MDGA2: variants seen among roughly 807,000 people sequenced by gnomAD.
MDGA2 encodes MAM domain-containing glycosylphosphatidylinositol anchor protein 2.
A neutral mutation model predicts 117.8 loss-of-function variants in MDGA2; 40 were observed. The ratio of observed to expected loss-of-function variants is 0.34; its 90% CI spans 0.26 to 0.44. The LOEUF is 0.44. MDGA2 is among the 20% of genes least tolerant of loss of function. MDGA2 has a pLI of 1.00. For missense variants in MDGA2, 1,123 were observed against 1,250.6 expected (o/e 0.90, Z 1.54); for synonymous variants, 452 against 439.0 (o/e 1.03, Z -0.37).
At chr14:47,595,062 A>C (rs1896510104) in intron 1 of MDGA2, among the ~76,000 whole-genome samples, 1 of 152,098 alleles carries the variant, frequency 6.6e-6, no homozygotes, top group Non-Finnish European at 1.5e-5. Context: ...CCAGACTGAT[A>C]TACACGTGCT....
At position 46,904,416 on chromosome 14, in the gene MDGA2, G is replaced by A. The variant is rs185378829; in HGVS notation, c.2238+15596C>T. 6.2e-4 allele frequency among the ~76,000 whole-genome samples: 94 copies of A among 150,714 alleles called. 1 individual carries two copies. The highest frequency in any genetic ancestry group is 7.0e-3 in the Middle Eastern group (2 of 284). On this transcript the variant is annotated intron_variant, in intron 10 of 16. Transcript: ENST00000399232. ...ATATTTGATTAAGAAATTATAATTC[G>A]TATGGCCATTATTATTGATACTGGC... is the stretch of plus-strand genomic sequence containing the variant.
intron 1 of MDGA2, among the ~76,000 whole-genome samples, chr14:47,461,658 G>A (rs1481566884): frequency 6.6e-6 from 1 of 151,630 alleles, no homozygotes; most frequent in Non-Finnish European, 1.5e-5. Flanking sequence ...TGAACCATAA[G>A]TAGGCATCAA....
rs1369106026 is a variant in MDGA2 at position 47,292,370 on chromosome 14, C to T, written c.420+9041G>A. Among the ~76,000 whole-genome samples the T allele has an allele frequency of 3.9e-5, 6 of 152,072 alleles. No homozygotes were observed. The East Asian group carries it at 1.2e-3, about 29-fold the overall frequency. ...TCATATAACCAGTGTGAGGATCCTGCTTGTTGCTAAGTATGTTGGTCCCAA... is the reference window on the plus strand; with the variant it reads ...TCATATAACCAGTGTGAGGATCCTGTTTGTTGCTAAGTATGTTGGTCCCAA... On this transcript the variant is annotated intron_variant, in intron 2 of 16. Transcript: ENST00000399232.
At chr14:47,237,806 C>G (rs1484285630) in intron 2 of MDGA2, among the ~76,000 whole-genome samples, 1 of 151,982 alleles carries the variant, frequency 6.6e-6, no homozygotes, top group Non-Finnish European at 1.5e-5. Context: ...ATCTGCTTGC[C>G]CAAGTCACCA....
chr14:47,063,774 C>T (rs1012259516), intron 6 of MDGA2, among the ~76,000 whole-genome samples: 2 of 151,824 alleles, frequency 1.3e-5, no homozygotes. Context: ...AACCATATGA[C>T]TAATATCAGG....
chr14:47,079,264 C>T (rs780528439), intron 6 of MDGA2, among the ~76,000 whole-genome samples: 2 of 152,078 alleles, frequency 1.3e-5, no homozygotes, highest in Non-Finnish European at 2.9e-5. Context: ...ATTGAGAGAT[C>T]CACAACTACT....
intron 1 of MDGA2, among the ~76,000 whole-genome samples, chr14:47,442,605 T>A (rs2000027): frequency 1 from 152,085 of 152,232 alleles, 75,969 homozygotes; most frequent in Non-Finnish European, 1. Context: ...CATTTCCTAC[T>A]TGGGCAAACA....
chr14:47,420,719 G>A (rs941111065), intron 1 of MDGA2, among the ~76,000 whole-genome samples: 3 of 151,926 alleles, frequency 2.0e-5, no homozygotes, highest in Admixed American at 2.0e-4. Context: ...GGTGAAAAAG[G>A]CCCTTACTGT....
chr14:47,614,402 T>C (rs1896911949), intron 1 of MDGA2, among the ~76,000 whole-genome samples: 1 of 152,184 alleles, frequency 6.6e-6, no homozygotes, highest in Admixed American at 6.5e-5. Flanking sequence ...TTTTTCACCT[T>C]TTAAATCAAT....
chr14:47,394,724 C>T (rs1159002182), intron 1 of MDGA2, among the ~76,000 whole-genome samples: 1 of 152,052 alleles, frequency 6.6e-6, no homozygotes, highest in Non-Finnish European at 1.5e-5. Flanking sequence ...GATTTATTCA[C>T]ATGATTAAAC....
intron 3 of MDGA2, among the ~76,000 whole-genome samples, chr14:47,197,068 T>C (rs1885312600): frequency 6.6e-6 from 1 of 152,226 alleles, no homozygotes. Flanking sequence ...AGTCCACCAT[T>C]GATGGGTATC....
rs543369443 is a variant in MDGA2 at position 47,535,794 on chromosome 14, A to T, written c.280+138723T>A. ...TCTTCATAATAAAAGCCACTGAATC[A>T]ATCAAAATTTTAGACACAAATGTGA... On this transcript the variant is annotated intron_variant, in intron 1 of 16. Transcript: ENST00000399232. 9.2e-5 allele frequency among the ~76,000 whole-genome samples: 14 copies of T among 152,360 alleles called. No homozygotes were observed. In the East Asian group the frequency reaches 1.5e-3, roughly 17 times the overall value.
At chr14:47,198,813 A>G (rs1349951696) in intron 3 of MDGA2, among the ~76,000 whole-genome samples, 2 of 152,180 alleles carry the variant, frequency 1.3e-5, no homozygotes, top group African/African-American at 2.4e-5. Context: ...TTATGTGTCA[A>G]CTTGCCTAGG....
At chr14:47,302,316 G>T (rs2416039) in intron 1 of MDGA2, among the ~76,000 whole-genome samples, 3 of 152,178 alleles carry the variant, frequency 2.0e-5, no homozygotes, top group Admixed American at 2.0e-4. Context: ...AGTCATGAGA[G>T]AAGTACTTAG....
At chr14:47,416,756 G>A (rs568247404) in intron 1 of MDGA2, among the ~76,000 whole-genome samples, 1 of 152,118 alleles carries the variant, frequency 6.6e-6, no homozygotes, top group Non-Finnish European at 1.5e-5. Context: ...CCTCTGGAGA[G>A]AGCTTCTGCA....
chr14:46,877,224 C>A lies in MDGA2; in HGVS notation c.2437+265G>T, dbSNP rs571951242. ...AATAATCCCACAGCTGCAGAAATAG[C>A]AAATATTAAGCAGGTTGGTAAATGG... On this transcript the variant is annotated intron_variant, in intron 12 of 16. Transcript: ENST00000399232. Among the ~76,000 whole-genome samples, 3 of 151,590 alleles carry A rather than the reference C, an allele frequency of 2.0e-5. No individual in the cohort carries two copies. The South Asian group carries it at 6.2e-4, about 31-fold the overall frequency.
chr14:46,901,216 GA>G (rs1009408727), intron 10 of MDGA2, among the ~76,000 whole-genome samples: 1 of 151,426 alleles, frequency 6.6e-6, no homozygotes, highest in Non-Finnish European at 1.5e-5. Context: ...ATAGCTTTAG[GA>G]GATATACCTA....
intron 1 of MDGA2, among the ~76,000 whole-genome samples, chr14:47,451,251 G>A (rs990889043): frequency 6.6e-6 from 1 of 152,048 alleles, no homozygotes; most frequent in Non-Finnish European, 1.5e-5. Context: ...TCTATCAAGG[G>A]TTCTTTAAGA....
intron 8 of MDGA2, among the ~76,000 whole-genome samples, chr14:46,992,347 T>A (rs1359728575): frequency 6.6e-6 from 1 of 152,300 alleles, no homozygotes; most frequent in South Asian, 2.1e-4. Context: ...GATTAAAATC[T>A]ACCAATGTTA....
Sources: allele counts gnomAD v4.1 joint callset (sites outside exome capture counted in the v4.1 genomes callset), GRCh38; gene constraint gnomAD v4.1.1; transcripts MANE v1.5; gene names NCBI Gene and HGNC (gene_info 2026-07-23, HGNC 2026-07-21).